LRP5: variants seen among roughly 807,000 people sequenced by gnomAD.
LRP5 encodes the protein LDL receptor related protein 5, also known as low-density lipoprotein receptor-related protein 5.
In LRP5, 62 loss-of-function variants were observed where a neutral mutation model predicts 154.1. The observed-to-expected ratio is 0.40, with a 90% confidence interval of 0.33 to 0.50. The LOEUF (loss-of-function observed/expected upper bound fraction) is 0.50. LRP5 is among the 20% of genes least tolerant of loss of function. LRP5 has a pLI of 0.55. For synonymous variants in LRP5, 966 were observed against 1,011.5 expected (o/e 0.96, Z 0.85); for missense variants, 1,915 against 2,336.7 (o/e 0.82, Z 3.72).
rs1234030950 is a variant in LRP5, at chr11:68,446,570, TTCCCGCCA to T, written c.4586+38_4586+45del. The T allele has an allele frequency of 2.6e-6, 4 of 1,546,942 alleles. No individual in the cohort carries two copies. In the South Asian group the frequency reaches 4.5e-5, roughly 17 times the overall value. ...CCTGCAGCCCTCCATGGCCATTGGGTTCCCGCCAGCCCGTGGTGGAGGGGCCTAATCCC... is the reference window on the plus strand; with the variant it reads ...CCTGCAGCCCTCCATGGCCATTGGGTGCCCGTGGTGGAGGGGCCTAATCCC... On this transcript the variant is annotated intron_variant, in intron 22 of 22. Coordinates refer to ENST00000294304, the MANE Select transcript of LRP5 (RefSeq NM_002335.4).
chr11:68,431,014 C>G (rs896427338), intron 17 of LRP5, among the ~76,000 whole-genome samples: 1 of 152,172 alleles, frequency 6.6e-6, no homozygotes, highest in African/African-American at 2.4e-5. Flanking sequence ...ACAGGAATGC[C>G]AGCTGCTATG....
At chr11:68,381,829 CT>C (rs1351302930) in intron 5 of LRP5, among the ~76,000 whole-genome samples, 7 of 152,258 alleles carry the variant, frequency 4.6e-5, no homozygotes, top group Non-Finnish European at 8.8e-5. Flanking sequence ...AACCCCAGGC[CT>C]GCTTCCCCGT....
Position 68,416,533 on chromosome 11 carries a change from T to C in LRP5, c.3027+6T>C, listed in dbSNP as rs1416830773. The C allele has an allele frequency of 6.2e-7, 1 of 1,613,854 alleles. No homozygotes were observed. The highest frequency in any genetic ancestry group is 1.3e-5 in the African/African-American group (1 of 74,944). ...CCAAGGACGACGGGACCCAGGCAGG[T>C]GCCCTGTGGGAAGGGTGCGGGGTGT... On this transcript the variant is annotated splice_donor_region_variant and intron_variant, in intron 13 of 22. Coordinates refer to ENST00000294304, the MANE Select transcript of LRP5 (RefSeq NM_002335.4).
At chr11:68,416,240 C>T (rs11228233) in intron 12 of LRP5, 88 bp from the exon 13 acceptor site, 1 of 1,151,232 alleles carries the variant, frequency 8.7e-7, no homozygotes, top group African/African-American at 1.5e-5. Context: ...TGCTGAGCCG[C>T]CTGTTGTCGA....
At chr11:68,396,988 C>A (rs2098649763) in intron 7 of LRP5, among the ~76,000 whole-genome samples, 1 of 152,224 alleles carries the variant, frequency 6.6e-6, no homozygotes, top group African/African-American at 2.4e-5. Context: ...GTTTTTCCAG[C>A]CTCCTGGGCT....
upstream of LRP5, among the ~76,000 whole-genome samples, chr11:68,309,745 GC>G (rs1404569281): frequency 2.0e-5 from 3 of 152,096 alleles, no homozygotes; most frequent in Non-Finnish European, 4.4e-5. Context: ...GCCATCCTGG[GC>G]CCCCTTCCCT....
intron 14 of LRP5, among the ~76,000 whole-genome samples, chr11:68,424,844 C>T (rs1450958561): frequency 6.6e-6 from 1 of 152,232 alleles, no homozygotes; most frequent in African/African-American, 2.4e-5. Flanking sequence ...TTAGGGCCTA[C>T]CCTCACCCAT....
intron 19 of LRP5, 76 bp downstream of exon 19, chr11:68,437,075 C>T (rs921063162): frequency 1.1e-5 from 14 of 1,264,890 alleles, no homozygotes; most frequent in Admixed American, 3.4e-5. Flanking sequence ...GGGGAGGAGA[C>T]GTGCCTTTCC....
chr11:68,381,592 C>G (rs1273014297), intron 5 of LRP5, among the ~76,000 whole-genome samples: 1 of 152,120 alleles, frequency 6.6e-6, no homozygotes, highest in Non-Finnish European at 1.5e-5. Context: ...CAGCAGCCCG[C>G]CTGGAGGAGG....
Position 68,423,483 on chromosome 11 carries a change from T to G in LRP5, c.3028-6T>G, listed in dbSNP as rs780084254. On this transcript the variant is annotated splice_polypyrimidine_tract_variant and splice_region_variant and intron_variant, in intron 13 of 22. Transcript: ENST00000294304. This position sits in a 1 kb window ranked among gnomAD's most constrained non-coding sequence, Gnocchi z 4.7. ...GCTCAGGAGTCTTGGTTTCTTTGTC[T>G]TACAGCCCTTTGTTTTGACCTCTCT... 6.2e-7 allele frequency: 1 copy of G among 1,613,982 alleles called. No individual in the cohort carries two copies. Among genetic ancestry groups the G allele is most frequent in the Non-Finnish European group, 8.5e-7 (1 of 1,179,860 alleles).
In LRP5 at chr11:68,366,817, C is replaced by T. The variant is rs996916307; in HGVS notation, c.1015+1115C>T. Reference sequence around the variant, plus strand: ...GGGGACTTGGGCGGCCTAGTCCTCACGGCTCTGGACAGCACCCCATTCATT... The same window carrying T: ...GGGGACTTGGGCGGCCTAGTCCTCATGGCTCTGGACAGCACCCCATTCATT... On this transcript the variant is annotated intron_variant, in intron 5 of 22. Transcript: ENST00000294304. Among the ~76,000 whole-genome samples, 7 of 152,138 alleles carry T rather than the reference C, an allele frequency of 4.6e-5. No homozygotes were observed. The East Asian group carries it at 5.8e-4, about 13-fold the overall frequency.
At chr11:68,307,748 G>A (rs1034842665), upstream of LRP5, among the ~76,000 whole-genome samples, 6 of 152,172 alleles carry the variant, frequency 3.9e-5, no homozygotes, top group Non-Finnish European at 7.3e-5. Flanking sequence ...AGCCTGGGAG[G>A]TTAAGGCTGT....
chr11:68,446,572 C>T (rs2098681543), intron 22 of LRP5, 39 bp downstream of exon 22: 1 of 1,535,772 alleles, frequency 6.5e-7, no homozygotes. Context: ...CCATTGGGTT[C>T]CCGCCAGCCC....
intron 1 of LRP5, among the ~76,000 whole-genome samples, chr11:68,335,151 A>C (rs112433633): frequency 6.8e-6 from 1 of 148,020 alleles, no homozygotes. Flanking sequence ...ATCATGGGTC[A>C]CTGCAGCCTT....
intron 21 of LRP5, among the ~76,000 whole-genome samples, chr11:68,440,506 A>G (rs1169405774): frequency 6.6e-6 from 1 of 152,164 alleles, no homozygotes; most frequent in Non-Finnish European, 1.5e-5. Flanking sequence ...GGCTGGGGAG[A>G]ACCCCCGTTT....
chr11:68,361,911 C>T (rs571506409), intron 3 of LRP5, among the ~76,000 whole-genome samples: 2 of 152,330 alleles, frequency 1.3e-5, no homozygotes, highest in African/African-American at 2.4e-5. Flanking sequence ...CCAGCAATTC[C>T]GCTCCTAGCT....
At chr11:68,409,268 TA>T (rs1234014354) in intron 9 of LRP5, among the ~76,000 whole-genome samples, 7 of 141,162 alleles carry the variant, frequency 5.0e-5, no homozygotes, top group Non-Finnish European at 9.1e-5. Flanking sequence ...ATATATAATA[TA>T]AAAATATATA....
intron 2 of LRP5, among the ~76,000 whole-genome samples, chr11:68,357,142 A>G (rs1320081750): frequency 2.0e-5 from 3 of 152,028 alleles, no homozygotes; most frequent in Non-Finnish European, 4.4e-5. Flanking sequence ...TCACTGTGTT[A>G]GCCAGGATGG....
chr11:68,423,596 C>G lies in LRP5; in HGVS notation c.3135C>G (p.Thr1045=), dbSNP rs1334508361. The change falls in exon 14 of 23, where the codon ACC becomes ACG. Residue 1045 remains threonine (T), a synonymous_variant. Transcript: ENST00000294304. This position sits in a 1 kb window ranked among gnomAD's most constrained non-coding sequence, Gnocchi z 4.7. ...SRTLFWTCEA[T]NTINVHRLSG... ...CACTGTTCTGGACGTGCGAGGCCAC[C>G]AATACCATCAACGTCCACAGGCTGA... 1.9e-6 allele frequency: 3 copies of G among 1,614,218 alleles called. No homozygotes were observed. The highest frequency in any genetic ancestry group is 2.7e-5 in the African/African-American group (2 of 75,064).
Sources: allele counts gnomAD v4.1 joint callset (sites outside exome capture counted in the v4.1 genomes callset), GRCh38; gene constraint gnomAD v4.1.1; non-coding constraint Gnocchi (gnomAD v3.1); transcripts MANE v1.5; gene names NCBI Gene and HGNC (gene_info 2026-07-23, HGNC 2026-07-21).